CD36: variants seen among roughly 807,000 people sequenced by gnomAD.
The protein encoded by CD36 is CD36 molecule (CD36 blood group), also known as platelet glycoprotein 4.
CD36 carries 119 observed loss-of-function variants against 55.2 expected under a neutral mutation model. That is an observed-to-expected ratio of 2.15 (90% CI 1.86 to 2.51). The LOEUF (loss-of-function observed/expected upper bound fraction) is 2.51, where lower values mean the gene tolerates loss of function less well. Among genes scored for constraint, CD36 ranks in the 30% most tolerant of loss-of-function variants. The pLI, the probability that CD36 is intolerant of heterozygous loss-of-function variation, is 0.00. For synonymous variants in CD36, 186 were observed against 193.6 expected, an observed-to-expected ratio of 0.96 and a Z score of 0.33; for missense variants, 819 against 555.5, an observed-to-expected ratio of 1.47 and a Z score of -4.77.
chr7:80,650,625 A>G (rs901501783), intron 3 of CD36, among the ~76,000 whole-genome samples: 5 of 152,174 alleles, frequency 3.3e-5, no homozygotes, highest in African/African-American at 1.2e-4. Flanking sequence ...ATTGTATACA[A>G]GTGATATTTG....
chr7:80,674,234 G>A lies in CD36; in HGVS notation c.*87G>A, dbSNP rs374342937. 23 of 915,108 alleles carry A rather than the reference G, an allele frequency of 2.5e-5. No homozygotes were observed. The South Asian group carries it at 3.2e-4, about 13-fold the overall frequency. 56.7% of individuals were successfully genotyped at this position (915,108 alleles called of 1,614,324 possible). A position where few individuals can be genotyped will look rare whatever the true frequency, so the allele number is the denominator to read the frequency against. On this transcript the variant is annotated intron_variant, in intron 14 of 14. Coordinates refer to ENST00000447544, the MANE Select transcript of CD36 (RefSeq NM_001001548.3). ...TTTATCAAAGAGAAGTTACATATTA[G>A]GCCATATATATTTCTAGACATGTCT...
In CD36 at chr7:80,677,436, G is replaced by A. The variant is rs1006709868; in HGVS notation, c.*1053G>A. The A allele has an allele frequency of 3.3e-5, 5 of 152,070 alleles. No homozygotes were observed. Among genetic ancestry groups the A allele is most frequent in the African/African-American group, 4.8e-5 (2 of 41,402 alleles). 9.4% of individuals were successfully genotyped at this position (152,070 alleles called of 1,614,324 possible). Reference sequence around the variant, plus strand: ...ACTGGCCTGTTTGGATACTAAAATCGAAAATAACTTTTAGCCTCCTCCTTA... The same window carrying A: ...ACTGGCCTGTTTGGATACTAAAATCAAAAATAACTTTTAGCCTCCTCCTTA... On this transcript the variant is annotated 3_prime_UTR_variant, in exon 15 of 15. Coordinates refer to ENST00000447544, the MANE Select transcript of CD36 (RefSeq NM_001001548.3).
At chr7:80,626,736 A>G (rs1396870816) in intron 1 of CD36, among the ~76,000 whole-genome samples, 1 of 152,062 alleles carries the variant, frequency 6.6e-6, no homozygotes, top group Non-Finnish European at 1.5e-5. Flanking sequence ...CTTGAAAAGT[A>G]CATTTTTGCA....
intron 4 of CD36, 134 bp downstream of exon 4, chr7:80,656,834 TTCC>T: frequency 2.5e-6 from 2 of 784,502 alleles, no homozygotes; most frequent in Non-Finnish European, 4.2e-6. Flanking sequence ...TAAAATATTT[TTCC>T]TGTCTGTATA....
At chr7:80,673,948 T>A in intron 13 of CD36, 35 bp from the exon 14 acceptor site, 1 of 1,559,250 alleles carries the variant, frequency 6.4e-7, no homozygotes, top group South Asian at 1.1e-5. Context: ...TTTACTAACG[T>A]ACCCAAATAA....
At chr7:80,619,235 A>G (rs1217740070) in intron 1 of CD36, among the ~76,000 whole-genome samples, 3 of 152,190 alleles carry the variant, frequency 2.0e-5, no homozygotes, top group Non-Finnish European at 2.9e-5. Context: ...GCTGCTCAGG[A>G]TAAAAGGATT....
rs1208812605 is a variant in CD36 at position 80,666,438 on chromosome 7, C to T, written c.702-5C>T. 1.3e-6 allele frequency: 2 copies of T among 1,583,174 alleles called. No homozygotes were observed. Among genetic ancestry groups the T allele is most frequent in the South Asian group, 1.1e-5 (1 of 90,470 alleles). On this transcript the variant is annotated splice_polypyrimidine_tract_variant and splice_region_variant and intron_variant, in intron 7 of 14. Transcript: ENST00000447544. ...TGTTTATTCATTGTCTTTTTCTATT[C>T]CTAGGAATCTGTCCTATTGGGAAAG...
At chr7:80,621,835 C>T (rs1308955499) in intron 1 of CD36, among the ~76,000 whole-genome samples, 2 of 152,132 alleles carry the variant, frequency 1.3e-5, no homozygotes. Context: ...GTGGCAGGTC[C>T]CCACTGAAAT....
intron 12 of CD36, chr7:80,673,104 T>C: frequency 1.9e-6 from 1 of 526,500 alleles, no homozygotes. Flanking sequence ...AATTAATTTT[T>C]GGAATTCATA....
intron 1 of CD36, among the ~76,000 whole-genome samples, chr7:80,612,118 GTTC>G (rs1473011540): frequency 3.3e-5 from 5 of 152,154 alleles, no homozygotes; most frequent in Admixed American, 6.5e-5. Flanking sequence ...ACAGTACAAA[GTTC>G]TTTGTTACTT....
chr7:80,651,943 A>G (rs901165288), intron 3 of CD36, among the ~76,000 whole-genome samples: 1 of 152,154 alleles, frequency 6.6e-6, no homozygotes, highest in Non-Finnish European at 1.5e-5. Flanking sequence ...TTAATAGTCC[A>G]TATTTTAAAC....
At chr7:80,645,626 C>T (rs966167587) in intron 1 of CD36, among the ~76,000 whole-genome samples, 5 of 151,924 alleles carry the variant, frequency 3.3e-5, no homozygotes, top group East Asian at 2.0e-4. Context: ...AGAAAGACTC[C>T]GTCTCAAAAA....
intron 1 of CD36, among the ~76,000 whole-genome samples, chr7:80,609,761 TCAA>T (rs1792773309): frequency 6.6e-6 from 1 of 152,304 alleles, no homozygotes; most frequent in African/African-American, 2.4e-5. Flanking sequence ...TCTGAAGATT[TCAA>T]CAACAAGAGC....
intron 1 of CD36, among the ~76,000 whole-genome samples, chr7:80,622,993 G>A (rs1445982268): frequency 9.2e-6 from 1 of 108,706 alleles, no homozygotes; most frequent in Non-Finnish European, 1.8e-5. Context: ...TTAGACAACA[G>A]TCCTTGGTAG....
chr7:80,635,340 C>G (rs1431724299), upstream of CD36, among the ~76,000 whole-genome samples: 1 of 152,132 alleles, frequency 6.6e-6, no homozygotes, highest in Non-Finnish European at 1.5e-5. Flanking sequence ...GTGGCACAAT[C>G]TTAGCTCACT....
chr7:80,638,501 G>T (rs1207499266), upstream of CD36: 1 of 151,268 alleles, frequency 6.6e-6, no homozygotes, highest in Non-Finnish European at 1.5e-5. Context: ...GTGCTGTGTG[G>T]GGGATTTTTT....
rs1796128822 is a variant in CD36, at chr7:80,656,828, A to G, written c.281+128A>G. The G allele has an allele frequency of 4.9e-6, 4 of 815,240 alleles. No individual in the cohort carries two copies. The Admixed American group carries it at 9.3e-5, about 19-fold the overall frequency. 50.5% of individuals were successfully genotyped at this position (815,240 alleles called of 1,614,324 possible). A position where few individuals can be genotyped will look rare whatever the true frequency, so the allele number is the denominator to read the frequency against. On this transcript the variant is annotated intron_variant, in intron 4 of 14. Transcript: ENST00000447544. ...TTTCTTGCCAAAAATATACTTTAAA[A>G]TATTTTTCCTGTCTGTATAGAATCC...
chr7:80,660,985 T>C, intron 4 of CD36, 78 bp from the exon 5 acceptor site: 1 of 1,075,376 alleles, frequency 9.3e-7, no homozygotes, highest in Admixed American at 1.7e-5. Flanking sequence ...AAAAATCATT[T>C]GTTGAATGAA....
chr7:80,658,418 AGTT>A (rs3211874), intron 4 of CD36, among the ~76,000 whole-genome samples: 43,479 of 151,944 alleles, frequency 0.29, 6,971 homozygotes, highest in South Asian at 0.44. Flanking sequence ...GAAAGAAAAT[AGTT>A]GTTAGAATTT....
Sources: allele counts gnomAD v4.1 joint callset (sites outside exome capture counted in the v4.1 genomes callset), GRCh38; gene constraint gnomAD v4.1.1; transcripts MANE v1.5; gene names NCBI Gene and HGNC (gene_info 2026-07-23, HGNC 2026-07-21).